The following SYNDIG1 variants were observed in gnomAD, a reference collection of about 807,000 sequenced individuals.
The protein encoded by SYNDIG1 is synapse differentiation-inducing gene protein 1.
Under a neutral mutation model 19.4 loss-of-function variants are expected in SYNDIG1, and 9 were observed. The ratio of observed to expected loss-of-function variants is 0.46; its 90% confidence interval spans 0.28 to 0.81. The LOEUF is 0.81. SYNDIG1 is among the 30% of genes least tolerant of loss of function. The pLI is 0.12. For synonymous variants in SYNDIG1, 141 were observed against 145.9 expected (o/e 0.97, Z 0.24); for missense variants, 311 against 343.3 (o/e 0.91, Z 0.74).
intron 1 of SYNDIG1, among the ~76,000 whole-genome samples, chr20:24,477,903 T>G (rs1005199579): frequency 6.6e-6 from 1 of 152,158 alleles, no homozygotes; most frequent in African/African-American, 2.4e-5. Context: ...TACTCCAAAC[T>G]CCAGGTGTTT....
chr20:24,662,470 G>T (rs2059613217), intron 3 of SYNDIG1, among the ~76,000 whole-genome samples: 1 of 152,086 alleles, frequency 6.6e-6, no homozygotes, highest in South Asian at 2.1e-4. Flanking sequence ...TCCCTTGGGG[G>T]CTACGTCTGA....
chr20:24,478,332 T>C lies in SYNDIG1; in HGVS notation c.-79+8579T>C, dbSNP rs56729487. Among the ~76,000 whole-genome samples, 1,149 of 152,230 alleles carry C rather than the reference T, an allele frequency of 7.5e-3. 13 individuals carry two copies. The highest frequency in any genetic ancestry group is 0.026 in the African/African-American group (1,096 of 41,548). On this transcript the variant is annotated intron_variant, in intron 1 of 3. Coordinates refer to ENST00000376862, the MANE Select transcript of SYNDIG1 (RefSeq NM_024893.3). ...AGCCCTAGGAGGGAGGGGTGGAGAC[T>C]GAGCTTTGGCTGTTATTCTGTGTGA...
At chr20:24,549,517 G>A (rs899353495) in intron 2 of SYNDIG1, among the ~76,000 whole-genome samples, 4 of 152,172 alleles carry the variant, frequency 2.6e-5, no homozygotes, top group Admixed American at 2.0e-4. Flanking sequence ...CCCCTTGCAG[G>A]ACTGGAGCAT....
intron 1 of SYNDIG1, among the ~76,000 whole-genome samples, chr20:24,531,338 A>G (rs2057255220): frequency 6.6e-6 from 1 of 152,224 alleles, no homozygotes; most frequent in Non-Finnish European, 1.5e-5. Flanking sequence ...AACAGTGCAG[A>G]TCTTTAAGTC....
chr20:24,654,666 AAGG>A (rs1182569315), intron 3 of SYNDIG1, among the ~76,000 whole-genome samples: 1 of 148,626 alleles, frequency 6.7e-6, no homozygotes, highest in Non-Finnish European at 1.5e-5. Flanking sequence ...GGAAGGAAGG[AAGG>A]AAGGAAGGAA....
chr20:24,536,380 A>G (rs2057361713), intron 1 of SYNDIG1, among the ~76,000 whole-genome samples: 1 of 152,094 alleles, frequency 6.6e-6, no homozygotes, highest in Non-Finnish European at 1.5e-5. Context: ...TGTGTTCCTC[A>G]AACACTCTCC....
chr20:24,504,886 G>A (rs1167219269), intron 1 of SYNDIG1, among the ~76,000 whole-genome samples: 2 of 152,216 alleles, frequency 1.3e-5, no homozygotes, highest in Non-Finnish European at 2.9e-5. Context: ...TGTGACTGCT[G>A]CAATAGCCCA....
At chr20:24,511,656 G>A (rs890497673) in intron 1 of SYNDIG1, among the ~76,000 whole-genome samples, 5 of 152,086 alleles carry the variant, frequency 3.3e-5, no homozygotes, top group African/African-American at 9.7e-5. Context: ...TGGGCTTAAG[G>A]CTTCATATCT....
chr20:24,504,250 G>A (rs917899699), intron 1 of SYNDIG1, among the ~76,000 whole-genome samples: 4 of 152,188 alleles, frequency 2.6e-5, no homozygotes, highest in East Asian at 1.9e-4. Context: ...GAGCCACCGC[G>A]CCCAGCCAGG....
intron 3 of SYNDIG1, among the ~76,000 whole-genome samples, chr20:24,617,793 AG>A (rs950116229): frequency 1.9e-4 from 9 of 47,684 alleles, no homozygotes; most frequent in Non-Finnish European, 8.6e-5. Flanking sequence ...GAGCCCGGGA[AG>A]GGGGTCCTGG....
At chr20:24,641,287 TGATGGATGGATGGATG>T (rs755342728) in intron 3 of SYNDIG1, among the ~76,000 whole-genome samples, 17 of 137,708 alleles carry the variant, frequency 1.2e-4, no homozygotes, top group African/African-American at 4.2e-4. Context: ...ATGGATGGAT[TGATGGATGGATGGATG>T]GATGGATGGA....
Position 24,528,651 on chromosome 20 carries a change from G to A in SYNDIG1, c.-78-14369G>A, listed in dbSNP as rs187532744. 4.6e-5 allele frequency among the ~76,000 whole-genome samples: 7 copies of A among 152,242 alleles called. No individual in the cohort carries two copies. The South Asian group carries it at 6.2e-4, about 14-fold the overall frequency. On this transcript the variant is annotated intron_variant, in intron 1 of 3. Transcript: ENST00000376862. ...TTGTACAGGCACTAATCCTATGGGC[G>A]AGGGCTTAATCACCTCCAAGGGCTC...
intron 3 of SYNDIG1, among the ~76,000 whole-genome samples, chr20:24,625,990 G>T (rs139065841): frequency 2.0e-5 from 3 of 150,460 alleles, no homozygotes; most frequent in African/African-American, 7.4e-5. Context: ...GCCAGGCGGG[G>T]GGCTGGCCCC....
chr20:24,492,503 C>G (rs960913507), intron 1 of SYNDIG1, among the ~76,000 whole-genome samples: 1 of 152,214 alleles, frequency 6.6e-6, no homozygotes, highest in Non-Finnish European at 1.5e-5. Context: ...GGATAAAGGA[C>G]AGCACTGCCT....
intron 1 of SYNDIG1, among the ~76,000 whole-genome samples, chr20:24,505,805 C>T (rs1195953915): frequency 6.6e-6 from 1 of 152,226 alleles, no homozygotes; most frequent in East Asian, 1.9e-4. Flanking sequence ...CCCCTTGCAG[C>T]ACTTGAAGCA....
chr20:24,659,806 C>T (rs948604061), intron 3 of SYNDIG1, among the ~76,000 whole-genome samples: 12 of 152,186 alleles, frequency 7.9e-5, no homozygotes, highest in Non-Finnish European at 8.8e-5. Context: ...TCTGACTTTT[C>T]TTCTCTGGTT....
chr20:24,649,688 T>G lies in SYNDIG1; in HGVS notation c.619-15658T>G, dbSNP rs1305296977. ...ACCAAACACCACGTCCTGTCTCCCC[T>G]CAAAGCATTAGAAACTCAGCCACAC... On this transcript the variant is annotated intron_variant, in intron 3 of 3. Coordinates refer to ENST00000376862, the MANE Select transcript of SYNDIG1 (RefSeq NM_024893.3). 2.0e-5 allele frequency among the ~76,000 whole-genome samples: 3 copies of G among 152,246 alleles called. No individual in the cohort carries two copies. The South Asian group carries it at 6.2e-4, about 32-fold the overall frequency.
chr20:24,646,363 T>C (rs535672332), intron 3 of SYNDIG1, among the ~76,000 whole-genome samples: 115 of 152,220 alleles, frequency 7.6e-4, no homozygotes, highest in Admixed American at 1.5e-3. Flanking sequence ...AGTGTGGCAA[T>C]ATTGGGAGAT....
chr20:24,507,365 A>T (rs572560399), intron 1 of SYNDIG1, among the ~76,000 whole-genome samples: 2 of 152,214 alleles, frequency 1.3e-5, no homozygotes, highest in Non-Finnish European at 2.9e-5. Context: ...TTCATCATCT[A>T]TATTCTCACG....
Sources: allele counts gnomAD v4.1 joint callset (sites outside exome capture counted in the v4.1 genomes callset), GRCh38; gene constraint gnomAD v4.1.1; transcripts MANE v1.5; gene names NCBI Gene and HGNC (gene_info 2026-07-23, HGNC 2026-07-21).